ROCK1: variants seen among roughly 807,000 people sequenced by gnomAD.
The protein encoded by ROCK1 is Rho associated coiled-coil containing protein kinase 1.
Under a neutral mutation model 196.8 loss-of-function variants are expected in ROCK1, and 36 were observed. The observed-to-expected ratio is 0.18, with a 90% CI of 0.14 to 0.24. The LOEUF is 0.24. Ranked by LOEUF, ROCK1 falls within the 10% of genes least tolerant of loss-of-function variation. The probability of loss-of-function intolerance (pLI) is 1.00; values close to 1 mark genes in which losing one functional copy is unlikely to be tolerated. For missense variants in ROCK1, 920 were observed against 1,562.0 expected, an observed-to-expected ratio of 0.59 and a Z score of 6.93; for synonymous variants, 443 against 515.9, an observed-to-expected ratio of 0.86 and a Z score of 1.91.
intron 27 of ROCK1, among the ~76,000 whole-genome samples, chr18:20,964,835 A>C (rs1445168975): frequency 1.3e-5 from 2 of 152,228 alleles, no homozygotes; most frequent in South Asian, 2.1e-4. Flanking sequence ...CTGCCAATGA[A>C]GCCAGCTGAT....
chr18:20,967,138 T>G, intron 26 of ROCK1, 62 bp from the exon 27 acceptor site: 1 of 1,123,122 alleles, frequency 8.9e-7, no homozygotes, highest in Non-Finnish European at 1.3e-6. Flanking sequence ...CATTACTAAT[T>G]GAAATATGAT....
At chr18:21,004,463 G>C (rs1244185166) in intron 16 of ROCK1, among the ~76,000 whole-genome samples, 1 of 152,144 alleles carries the variant, frequency 6.6e-6, no homozygotes, top group Admixed American at 6.5e-5. Flanking sequence ...GTGTATGTGA[G>C]CTTTTATTCA....
chr18:20,957,173 T>A (rs1174376742), intron 29 of ROCK1, among the ~76,000 whole-genome samples: 1 of 152,176 alleles, frequency 6.6e-6, no homozygotes, highest in Admixed American at 6.5e-5. Context: ...TATTTACCCA[T>A]GAGAAATGAA....
At chr18:21,068,324 G>C (rs1216001757) in intron 2 of ROCK1, among the ~76,000 whole-genome samples, 2 of 152,106 alleles carry the variant, frequency 1.3e-5, no homozygotes, top group African/African-American at 4.8e-5. Flanking sequence ...GCATGCACAG[G>C]TCTATTTCTA....
At chr18:21,013,758 G>T (rs2035838624) in intron 13 of ROCK1, among the ~76,000 whole-genome samples, 1 of 152,114 alleles carries the variant, frequency 6.6e-6, no homozygotes, top group Non-Finnish European at 1.5e-5. Context: ...CTCAGCCTTT[G>T]CTGTTAAGAA....
intron 7 of ROCK1, 151 bp from the exon 8 acceptor site, chr18:21,042,386 A>G: frequency 1.0e-6 from 1 of 993,986 alleles, no homozygotes; most frequent in Admixed American, 3.1e-5. Context: ...AACACATCAC[A>G]AAGTTGCTCT....
intron 17 of ROCK1, among the ~76,000 whole-genome samples, chr18:20,991,969 T>C (rs2035630638): frequency 6.6e-6 from 1 of 152,200 alleles, no homozygotes; most frequent in Non-Finnish European, 1.5e-5. Context: ...TATTAAATCA[T>C]CTTTATCTAC....
At chr18:20,959,733 G>A (rs534412774) in intron 29 of ROCK1, 107 bp downstream of exon 29, 4 of 514,740 alleles carry the variant, frequency 7.8e-6, no homozygotes, top group Admixed American at 8.0e-5. Context: ...CAGAAAAGTA[G>A]GTAACAGTGC....
intron 1 of ROCK1, among the ~76,000 whole-genome samples, chr18:21,106,034 C>A (rs1170514432): frequency 3.9e-5 from 6 of 152,142 alleles, no homozygotes; most frequent in Non-Finnish European, 8.8e-5. Flanking sequence ...TTATCTTCCA[C>A]ATTCTGAAAA....
At chr18:20,959,622 A>C (rs2035307246) in intron 29 of ROCK1, among the ~76,000 whole-genome samples, 1 of 151,358 alleles carries the variant, frequency 6.6e-6, no homozygotes, top group South Asian at 2.1e-4. Context: ...ACTTGAACTA[A>C]AAAAGTTGTC....
chr18:20,960,507 G>A (rs950629539), intron 27 of ROCK1, among the ~76,000 whole-genome samples: 5 of 151,900 alleles, frequency 3.3e-5, no homozygotes, highest in Admixed American at 2.6e-4. Flanking sequence ...CAGCTTAAAT[G>A]GGATATGATG....
chr18:21,094,716 T>C, intron 1 of ROCK1, among the ~76,000 whole-genome samples: 1 of 147,226 alleles, frequency 6.8e-6, no homozygotes, highest in African/African-American at 2.5e-5. Context: ...ACCACTGAAC[T>C]CCAGCCTGGG....
intron 5 of ROCK1, among the ~76,000 whole-genome samples, chr18:21,044,509 T>C (rs1269847927): frequency 6.6e-6 from 1 of 151,986 alleles, no homozygotes; most frequent in Non-Finnish European, 1.5e-5. Flanking sequence ...GATAGGTAAG[T>C]ACATAAAAAA....
At chr18:21,062,066 A>G (rs1902798615) in intron 2 of ROCK1, among the ~76,000 whole-genome samples, 1 of 152,178 alleles carries the variant, frequency 6.6e-6, no homozygotes, top group African/African-American at 2.4e-5. Flanking sequence ...ACATGCATAC[A>G]TATATTTCCT....
intron 4 of ROCK1, 73 bp from the exon 5 acceptor site, chr18:21,045,540 A>C: frequency 8.6e-7 from 1 of 1,165,874 alleles, no homozygotes; most frequent in East Asian, 2.7e-5. Context: ...AAAAAGTGGC[A>C]AAAATGTTAA....
intron 16 of ROCK1, among the ~76,000 whole-genome samples, chr18:21,003,231 G>A (rs779830391): frequency 6.6e-6 from 1 of 151,870 alleles, no homozygotes; most frequent in Non-Finnish European, 1.5e-5. Context: ...CTCACAGGAC[G>A]AAAAAAACAT....
In ROCK1 at chr18:20,948,067, G is replaced by C. The variant is rs542285633; in HGVS notation, c.*3317C>G. 6.6e-6 allele frequency: 1 copy of C among 152,070 alleles called. No individual in the cohort carries two copies. The highest frequency in any genetic ancestry group is 6.5e-5 in the Admixed American group (1 of 15,268). 9.4% of individuals were successfully genotyped at this position (152,070 alleles called of 1,614,324 possible). ...GGAGGTTGCAGTGAGCCGAGATCGC[G>C]CCACTGCACTCCAGCCTGGGCAACA... On this transcript the variant is annotated 3_prime_UTR_variant, in exon 33 of 33. Coordinates refer to ENST00000399799, the MANE Select transcript of ROCK1 (RefSeq NM_005406.3).
At chr18:21,014,784 T>TA (rs1196371218) in intron 13 of ROCK1, among the ~76,000 whole-genome samples, 3 of 152,062 alleles carry the variant, frequency 2.0e-5, no homozygotes, top group Non-Finnish European at 4.4e-5. Context: ...AGATTAAACC[T>TA]AAAAAAGGAC....
In ROCK1 at chr18:21,045,481, AAAAAC is replaced by A; in HGVS notation, c.415-19_415-15del. The A allele has an allele frequency of 6.4e-7, 1 of 1,554,440 alleles. No individual in the cohort carries two copies. Among genetic ancestry groups the A allele is most frequent in the Non-Finnish European group, 8.7e-7 (1 of 1,152,474 alleles). ...TGCATAAAAAAGCTATACAAATAGA[AAAAAC>A]AAACAAAACACATTCATTAATGTTA... On this transcript the variant is annotated splice_polypyrimidine_tract_variant and intron_variant, in intron 4 of 32. Coordinates refer to ENST00000399799, the MANE Select transcript of ROCK1 (RefSeq NM_005406.3).
Sources: allele counts gnomAD v4.1 joint callset (sites outside exome capture counted in the v4.1 genomes callset), GRCh38; gene constraint gnomAD v4.1.1; transcripts MANE v1.5; gene names NCBI Gene and HGNC (gene_info 2026-07-23, HGNC 2026-07-21).